Variants in KANSL1L observed in about 807,000 individuals in gnomAD.
KANSL1L encodes KAT8 regulatory NSL complex subunit 1-like protein.
Under a neutral mutation model 108.6 loss-of-function variants are expected in KANSL1L, and 25 were observed. The observed-to-expected ratio is 0.23, with a 90% CI of 0.17 to 0.32. The LOEUF is 0.32. Ranked by LOEUF, KANSL1L falls within the 10% of genes least tolerant of loss-of-function variation. KANSL1L has a pLI of 1.00. For synonymous variants in KANSL1L, 405 were observed against 395.1 expected (o/e 1.03, Z -0.30); for missense variants, 1,137 against 1,125.7 (o/e 1.01, Z -0.14).
chr2:210,025,313 T>A, intron 12 of KANSL1L, 97 bp from the exon 13 acceptor site: 1 of 684,460 alleles, frequency 1.5e-6, no homozygotes, highest in East Asian at 3.0e-5. Flanking sequence ...TCCCAACACT[T>A]TGGAAGGCCG....
chr2:210,052,881 C>T (rs1370808238), intron 6 of KANSL1L, among the ~76,000 whole-genome samples: 1 of 152,192 alleles, frequency 6.6e-6, no homozygotes, highest in African/African-American at 2.4e-5. Flanking sequence ...GTTGTATATG[C>T]CTCTGCTATT....
At chr2:210,124,384 T>C (rs1027277366) in intron 3 of KANSL1L, among the ~76,000 whole-genome samples, 3 of 152,008 alleles carry the variant, frequency 2.0e-5, no homozygotes, top group Non-Finnish European at 4.4e-5. Context: ...TATTAACACA[T>C]TTTAAAACAA....
At chr2:210,157,219 G>C (rs571095751) in intron 1 of KANSL1L, among the ~76,000 whole-genome samples, 6 of 152,150 alleles carry the variant, frequency 3.9e-5, no homozygotes, top group Non-Finnish European at 7.4e-5. Context: ...TGATGTTACA[G>C]CACTCCTCAA....
chr2:210,032,342 T>C (rs1241415592), intron 8 of KANSL1L: 1 of 152,262 alleles, frequency 6.6e-6, no homozygotes, highest in Non-Finnish European at 1.5e-5. Context: ...TAGGCACATA[T>C]AAATCCACAT....
Position 210,023,181 on chromosome 2 carries a change from T to C in KANSL1L, c.2734-2A>G, listed in dbSNP as rs2093884351. 6.2e-7 allele frequency: 1 copy of C among 1,611,354 alleles called. No homozygotes were observed. The highest frequency in any genetic ancestry group is 8.5e-7 in the Non-Finnish European group (1 of 1,178,100). On this transcript the variant is annotated splice_acceptor_variant, in intron 14 of 14. Coordinates refer to ENST00000281772, the MANE Select transcript of KANSL1L (RefSeq NM_152519.4). LOFTEE classifies it high-confidence loss of function. ...AGCCCGTCGTTCCCACCACAAAGAC[T>C]GAAAGGGGAAAAATTTTCAGTTAAG... is the stretch of plus-strand genomic sequence containing the variant.
intron 6 of KANSL1L, among the ~76,000 whole-genome samples, chr2:210,056,736 C>T (rs187342389): frequency 2.0e-5 from 3 of 152,258 alleles, no homozygotes; most frequent in African/African-American, 7.2e-5. Context: ...CTGCTTTAGC[C>T]TCCCAAAGAT....
Position 210,153,719 on chromosome 2 carries a change from T to C in KANSL1L, c.864A>G (p.Lys288=), listed in dbSNP as rs773329549. Residue 288 remains lysine (K), a synonymous_variant, in exon 2 of 15, where the codon AAA becomes AAG. Coordinates refer to ENST00000281772, the MANE Select transcript of KANSL1L (RefSeq NM_152519.4). ...PTTILGNSLP[K]CTEIKPEVNT... ...TAACTTCTGGCTTAATTTCAGTGCATTTAGGTAAACTATTACCCAAAATTG... is the reference window on the plus strand; with the variant it reads ...TAACTTCTGGCTTAATTTCAGTGCACTTAGGTAAACTATTACCCAAAATTG... 1 of 1,605,034 alleles carries C rather than the reference T, an allele frequency of 6.2e-7. No individual in the cohort carries two copies. The highest frequency in any genetic ancestry group is 1.1e-5 in the South Asian group (1 of 89,088).
chr2:210,145,134 G>GCACCTTGCCACTGTCCA (rs1203293369), intron 2 of KANSL1L, among the ~76,000 whole-genome samples: 2 of 152,202 alleles, frequency 1.3e-5, no homozygotes, highest in Admixed American at 6.5e-5. Context: ...GTCCACAGCA[G>GCACCTTGCCACTGTCCA]CGGCAAGGGT....
rs1235637471 is a variant in KANSL1L at position 210,075,706 on chromosome 2, T to G, written c.1601A>C (p.Asn534Thr). 6.2e-7 allele frequency: 1 copy of G among 1,613,890 alleles called. No individual in the cohort carries two copies. The highest frequency in any genetic ancestry group is 8.5e-7 in the Non-Finnish European group (1 of 1,179,930). Residue 534 changes from asparagine (N) to threonine (T), a missense_variant, in exon 6 of 15, where the codon AAC becomes ACC. This residue lies in a region of KANSL1L where 575 missense variants were observed against 567.1 expected (regional missense o/e 1.01). Coordinates refer to ENST00000281772, the MANE Select transcript of KANSL1L (RefSeq NM_152519.4). ...TCTCTTTTTCTTACTGTGCTTCTGG[T>G]TAAGTAACCAGCTACTGGAGGAAGA... ...ELSSSSSWLL[N>T]QKHSKKKRKD...
intron 2 of KANSL1L, among the ~76,000 whole-genome samples, chr2:210,138,450 T>C (rs1196925267): frequency 6.6e-6 from 1 of 152,100 alleles, no homozygotes; most frequent in African/African-American, 2.4e-5. Context: ...CCTGCATACA[T>C]ACCCTGTAAA....
chr2:210,129,263 A>C, intron 2 of KANSL1L, 91 bp from the exon 3 acceptor site: 1 of 1,129,720 alleles, frequency 8.9e-7, no homozygotes, highest in Non-Finnish European at 1.2e-6. Context: ...CCCATCATAA[A>C]AGCAAATTTC....
chr2:210,030,474 G>A (rs2094000431), intron 9 of KANSL1L, among the ~76,000 whole-genome samples: 1 of 139,542 alleles, frequency 7.2e-6, no homozygotes, highest in Non-Finnish European at 1.6e-5. Flanking sequence ...ACTTCTGTTA[G>A]TATTTTCTGT....
intron 6 of KANSL1L, among the ~76,000 whole-genome samples, chr2:210,049,915 C>G (rs1209925353): frequency 1.3e-5 from 2 of 152,186 alleles, no homozygotes; most frequent in Non-Finnish European, 2.9e-5. Flanking sequence ...AGTGTTATCT[C>G]TGGGAAATGA....
intron 12 of KANSL1L, chr2:210,026,325 TC>T (rs1192998109): frequency 1.3e-4 from 20 of 152,328 alleles, no homozygotes; most frequent in African/African-American, 4.6e-4. Flanking sequence ...ACAGTATTTT[TC>T]CCTATAATCT....
intron 1 of KANSL1L, among the ~76,000 whole-genome samples, chr2:210,156,623 GTA>G (rs2095334640): frequency 6.6e-6 from 1 of 151,816 alleles, no homozygotes; most frequent in South Asian, 2.1e-4. Context: ...CCATATATAC[GTA>G]TACATTTGTG....
intron 6 of KANSL1L, among the ~76,000 whole-genome samples, chr2:210,065,733 G>T (rs781384905): frequency 2.0e-5 from 3 of 151,836 alleles, no homozygotes; most frequent in Non-Finnish European, 2.9e-5. Flanking sequence ...TTACAGATGC[G>T]CACCACCACG....
chr2:210,158,352 T>G (rs1347562988), intron 1 of KANSL1L, among the ~76,000 whole-genome samples: 3 of 152,180 alleles, frequency 2.0e-5, no homozygotes, highest in Non-Finnish European at 4.4e-5. Flanking sequence ...ATCTGAGGCC[T>G]GCTAACAGCC....
intron 6 of KANSL1L, among the ~76,000 whole-genome samples, chr2:210,061,024 CTG>C (rs1470616559): frequency 6.6e-6 from 1 of 152,206 alleles, no homozygotes; most frequent in African/African-American, 2.4e-5. Context: ...AAATAAAACT[CTG>C]GGCTTTTCCC....
At chr2:210,115,079 G>C (rs1478079701) in intron 3 of KANSL1L, among the ~76,000 whole-genome samples, 3 of 151,958 alleles carry the variant, frequency 2.0e-5, no homozygotes. Flanking sequence ...AATGACAGAA[G>C]TAAGTCTATC....
Sources: allele counts gnomAD v4.1 joint callset (sites outside exome capture counted in the v4.1 genomes callset), GRCh38; gene constraint gnomAD v4.1.1; regional missense constraint gnomAD v4.1.1; transcripts MANE v1.5; gene names NCBI Gene and HGNC (gene_info 2026-07-23, HGNC 2026-07-21).